Variants in SFI1 observed in about 807,000 individuals in gnomAD.
SFI1 encodes protein SFI1 homolog.
SFI1 carries 195 observed loss-of-function variants against 207.5 expected under a neutral mutation model. That is an observed-to-expected ratio of 0.94 (90% CI 0.84 to 1.06). The LOEUF (loss-of-function observed/expected upper bound fraction) is 1.06, where lower values mean the gene tolerates loss of function less well. SFI1 is among the 50% of genes least tolerant of loss of function. The probability of loss-of-function intolerance (pLI) is 0.00; values close to 1 mark genes in which losing one functional copy is unlikely to be tolerated. For missense variants in SFI1, 1,634 were observed against 1,588.0 expected, an observed-to-expected ratio of 1.03 and a Z score of -0.49; for synonymous variants, 630 against 598.9, an observed-to-expected ratio of 1.05 and a Z score of -0.76.
chr22:31,594,000 G>GGC, intron 15 of SFI1, among the ~76,000 whole-genome samples: 1 of 86,830 alleles, frequency 1.2e-5, no homozygotes, highest in African/African-American at 4.0e-5. Flanking sequence ...GGGAGAGGGA[G>GGC]AGGGACAGGG....
chr22:31,501,268 TTCA>T (rs1360049352), intron 1 of SFI1, among the ~76,000 whole-genome samples: 2 of 151,532 alleles, frequency 1.3e-5, no homozygotes, highest in Middle Eastern at 3.2e-3. Flanking sequence ...GCCTCCTGGG[TTCA>T]CGCCATTCTC....
intron 1 of SFI1, chr22:31,497,489 G>C (rs1167091007): frequency 6.6e-6 from 1 of 152,138 alleles, no homozygotes; most frequent in African/African-American, 2.4e-5. Context: ...CTTAAGTGTT[G>C]TGTCTGACTG....
chr22:31,601,746 C>G (rs1223664228), intron 15 of SFI1, among the ~76,000 whole-genome samples: 3 of 151,862 alleles, frequency 2.0e-5, no homozygotes, highest in African/African-American at 7.3e-5. Flanking sequence ...GTCTGCTTTC[C>G]TTCCCTTTCT....
intron 28 of SFI1, 81 bp from the exon 29 acceptor site, chr22:31,614,967 G>A (rs1315241106): frequency 1.1e-5 from 17 of 1,573,622 alleles, no homozygotes; most frequent in Non-Finnish European, 1.5e-5. Flanking sequence ...CCTGGGGTGG[G>A]TGGCCCCCTT....
chr22:31,615,476 C>CTTATATA (rs2071261300), intron 29 of SFI1, 197 bp downstream of exon 29: 1 of 453,370 alleles, frequency 2.2e-6, no homozygotes, highest in African/African-American at 2.0e-5. Context: ...AAGGGCCCTG[C>CTTATATA]CATCCTGAAG....
chr22:31,503,941 G>T (rs1942014372), intron 1 of SFI1, among the ~76,000 whole-genome samples: 1 of 151,992 alleles, frequency 6.6e-6, no homozygotes. Flanking sequence ...TTATAAGCAA[G>T]TTTATATTCA....
At chr22:31,553,574 T>C (rs1361404087) in intron 6 of SFI1, among the ~76,000 whole-genome samples, 2 of 144,270 alleles carry the variant, frequency 1.4e-5, no homozygotes, top group East Asian at 2.1e-4. Flanking sequence ...GGTTTCACCA[T>C]GTTAGCCAGG....
chr22:31,547,963 C>A (rs2060250286), intron 5 of SFI1, among the ~76,000 whole-genome samples: 1 of 150,550 alleles, frequency 6.6e-6, no homozygotes, highest in African/African-American at 2.4e-5. Flanking sequence ...GCCTGTAATC[C>A]CAGCACTTTG....
intron 15 of SFI1, among the ~76,000 whole-genome samples, chr22:31,591,121 G>T (rs370669596): frequency 2.0e-5 from 3 of 152,040 alleles, no homozygotes; most frequent in Non-Finnish European, 4.4e-5. Context: ...GCGGCCTTCC[G>T]CAGTGTTTGT....
chr22:31,516,942 G>A (rs1198225325), intron 2 of SFI1, among the ~76,000 whole-genome samples: 4 of 150,918 alleles, frequency 2.7e-5, no homozygotes, highest in Admixed American at 6.6e-5. Flanking sequence ...CAACAAGAGC[G>A]AAACTCAGTC....
Position 31,499,482 on chromosome 22 carries a change from C to A in SFI1, c.-31+2845C>A, listed in dbSNP as rs2053347788. Among the ~76,000 whole-genome samples the A allele has an allele frequency of 2.0e-5, 3 of 151,818 alleles. 1 individual carries two copies. Among genetic ancestry groups the A allele is most frequent in the Admixed American group, 2.0e-4 (3 of 15,214 alleles). On this transcript the variant is annotated intron_variant, in intron 1 of 32. Coordinates refer to ENST00000400288, the MANE Select transcript of SFI1 (RefSeq NM_001007467.3). ...TCACCGTGCCTGGTGAAAGTGGTTT[C>A]TTGAGTTGAAATCTACACCTGGTGA...
chr22:31,563,712 A>G (rs1014220452), intron 8 of SFI1, among the ~76,000 whole-genome samples: 11 of 152,002 alleles, frequency 7.2e-5, no homozygotes, highest in Non-Finnish European at 1.6e-4. Context: ...CAGCCTCCCA[A>G]GTAGCTGGGA....
intron 5 of SFI1, 106 bp from the exon 6 acceptor site, chr22:31,550,148 T>TG (rs1345619626): frequency 6.8e-6 from 5 of 734,288 alleles, no homozygotes; most frequent in African/African-American, 1.7e-5. Context: ...AGGCTGGTCT[T>TG]GAACTCCTTG....
At chr22:31,606,673 A>C in intron 21 of SFI1, 1 of 350,504 alleles carries the variant, frequency 2.9e-6, no homozygotes, top group Non-Finnish European at 5.1e-6. Context: ...TTCTTATCAG[A>C]ACCAGTATTT....
At chr22:31,596,543 T>C (rs1290533886) in intron 15 of SFI1, among the ~76,000 whole-genome samples, 1 of 151,930 alleles carries the variant, frequency 6.6e-6, no homozygotes. Flanking sequence ...GTAATCCCAG[T>C]ACTTGGGGAA....
At chr22:31,590,959 AT>A (rs1328921019) in intron 15 of SFI1, among the ~76,000 whole-genome samples, 34 of 13,124 alleles carry the variant, frequency 2.6e-3, no homozygotes, top group African/African-American at 6.0e-3. Flanking sequence ...CTTTTTATTT[AT>A]TTATTTATTT....
At chr22:31,613,969 C>A in intron 27 of SFI1, 114 bp downstream of exon 27, 1 of 1,337,744 alleles carries the variant, frequency 7.5e-7, no homozygotes, top group Non-Finnish European at 9.8e-7. Flanking sequence ...ACGGCCTTGT[C>A]ACAGCTGAGC....
At chr22:31,513,205 C>T (rs1476012083) in intron 2 of SFI1, among the ~76,000 whole-genome samples, 1 of 152,040 alleles carries the variant, frequency 6.6e-6, no homozygotes, top group African/African-American at 2.4e-5. Context: ...GTTGCCCAGG[C>T]TGGAGTGCAG....
chr22:31,557,852 G>A (rs1008305383), intron 7 of SFI1, among the ~76,000 whole-genome samples: 1 of 152,206 alleles, frequency 6.6e-6, no homozygotes, highest in Non-Finnish European at 1.5e-5. Context: ...CATACTGGAA[G>A]AACATGAATT....
Sources: allele counts gnomAD v4.1 joint callset (sites outside exome capture counted in the v4.1 genomes callset), GRCh38; gene constraint gnomAD v4.1.1; transcripts MANE v1.5; gene names NCBI Gene and HGNC (gene_info 2026-07-23, HGNC 2026-07-21).